IGF2BP2: variants seen among roughly 807,000 people sequenced by gnomAD.
IGF2BP2 encodes the protein insulin-like growth factor 2 mRNA-binding protein 2.
Under a neutral mutation model 75.8 loss-of-function variants are expected in IGF2BP2, and 17 were observed. That is an observed-to-expected ratio of 0.22 (90% confidence interval 0.15 to 0.34). The LOEUF is 0.34. IGF2BP2 is among the 10% of genes least tolerant of loss of function. The pLI, the probability that IGF2BP2 is intolerant of heterozygous loss-of-function variation, is 1.00. For missense variants in IGF2BP2, 516 were observed against 772.4 expected (o/e 0.67, Z 3.93); for synonymous variants, 288 against 295.6 (o/e 0.97, Z 0.26).
chr3:185,655,635 G>A (rs971488396), intron 12 of IGF2BP2, among the ~76,000 whole-genome samples: 5 of 152,212 alleles, frequency 3.3e-5, no homozygotes, highest in Admixed American at 3.3e-4. Context: ...CCATCACAGA[G>A]GCCAGGAGCA....
intron 2 of IGF2BP2, among the ~76,000 whole-genome samples, chr3:185,766,193 T>C (rs1319262255): frequency 6.6e-6 from 1 of 152,190 alleles, no homozygotes; most frequent in East Asian, 1.9e-4. Flanking sequence ...AGGAAGCTAC[T>C]ACCAGGTCCA....
intron 2 of IGF2BP2, among the ~76,000 whole-genome samples, chr3:185,776,507 G>A (rs77725080): frequency 0.1 from 15,910 of 152,198 alleles, 1,539 homozygotes; most frequent in African/African-American, 0.26. Flanking sequence ...GGATCTGGGG[G>A]AAAGGATGCT....
At chr3:185,661,476 A>G (rs746709866) in intron 10 of IGF2BP2, among the ~76,000 whole-genome samples, 4 of 151,962 alleles carry the variant, frequency 2.6e-5, no homozygotes, top group Non-Finnish European at 2.9e-5. Context: ...ATCGCTAGCA[A>G]AAATACAAAA....
At chr3:185,785,396 A>G (rs1375990692) in intron 2 of IGF2BP2, among the ~76,000 whole-genome samples, 1 of 151,480 alleles carries the variant, frequency 6.6e-6, no homozygotes, top group Admixed American at 6.6e-5. Flanking sequence ...CACTCATTTT[A>G]CTGTGTCAAT....
At chr3:185,715,445 G>T (rs1041760605) in intron 2 of IGF2BP2, among the ~76,000 whole-genome samples, 11 of 152,156 alleles carry the variant, frequency 7.2e-5, no homozygotes, top group Non-Finnish European at 1.2e-4. Context: ...GTAAACACCG[G>T]GAGGCAGGTA....
At chr3:185,758,461 G>A (rs192172291) in intron 2 of IGF2BP2, among the ~76,000 whole-genome samples, 39 of 152,306 alleles carry the variant, frequency 2.6e-4, no homozygotes, top group Middle Eastern at 6.8e-3. Context: ...ACAAGGACAG[G>A]ACCACCTACC....
At chr3:185,712,353 G>C (rs1406559431) in intron 2 of IGF2BP2, among the ~76,000 whole-genome samples, 2 of 151,966 alleles carry the variant, frequency 1.3e-5, no homozygotes. Flanking sequence ...ATTTCCTAGG[G>C]AACAATGACG....
chr3:185,702,391 T>C (rs1260504133), intron 2 of IGF2BP2, among the ~76,000 whole-genome samples: 1 of 152,106 alleles, frequency 6.6e-6, no homozygotes, highest in Non-Finnish European at 1.5e-5. Context: ...CAGTCTCAAA[T>C]GAGAGTATCG....
chr3:185,792,450 C>CAA, intron 2 of IGF2BP2, among the ~76,000 whole-genome samples: 1 of 151,498 alleles, frequency 6.6e-6, no homozygotes, highest in African/African-American at 2.4e-5. Flanking sequence ...ACTAAGAATA[C>CAA]AAAAATTATT....
chr3:185,806,823 A>G (rs578177383), intron 2 of IGF2BP2, among the ~76,000 whole-genome samples: 193 of 152,330 alleles, frequency 1.3e-3, no homozygotes, highest in Non-Finnish European at 2.2e-3. Flanking sequence ...TATATAATAA[A>G]GGTAAGTGCA....
chr3:185,750,496 C>G (rs1730824286), intron 2 of IGF2BP2, among the ~76,000 whole-genome samples: 2 of 152,160 alleles, frequency 1.3e-5, no homozygotes, highest in Non-Finnish European at 2.9e-5. Context: ...AAGCTCTCAG[C>G]CAGAATTCAT....
intron 4 of IGF2BP2, among the ~76,000 whole-genome samples, chr3:185,696,251 C>T (rs1296904704): frequency 6.6e-6 from 1 of 152,208 alleles, no homozygotes; most frequent in Non-Finnish European, 1.5e-5. Flanking sequence ...CATTAGGGAT[C>T]TGTTTTTCTT....
chr3:185,782,083 A>G (rs774073445), intron 2 of IGF2BP2, among the ~76,000 whole-genome samples: 1 of 152,170 alleles, frequency 6.6e-6, no homozygotes, highest in African/African-American at 2.4e-5. Context: ...TGGTTCTGAG[A>G]TCTTGCTAAA....
At chr3:185,788,836 C>T (rs1736244853) in intron 2 of IGF2BP2, among the ~76,000 whole-genome samples, 1 of 151,528 alleles carries the variant, frequency 6.6e-6, no homozygotes, top group African/African-American at 2.4e-5. Context: ...CCTCAGCCTC[C>T]CGAGTAGCTG....
intron 12 of IGF2BP2, 136 bp downstream of exon 12, chr3:185,657,150 A>G: frequency 3.3e-6 from 2 of 613,372 alleles, no homozygotes; most frequent in Non-Finnish European, 5.8e-6. Context: ...GGGAATAGTC[A>G]TGGGGCAAAT....
chr3:185,688,964 TATG>T (rs1721529935), intron 6 of IGF2BP2: 1 of 178,334 alleles, frequency 5.6e-6, no homozygotes, highest in Admixed American at 5.4e-5. Flanking sequence ...TGAGACTACC[TATG>T]TTGTCACAAG....
chr3:185,759,999 T>A (rs1021294947), intron 2 of IGF2BP2, among the ~76,000 whole-genome samples: 1 of 152,238 alleles, frequency 6.6e-6, no homozygotes, highest in African/African-American at 2.4e-5. Flanking sequence ...TAGTATTTTA[T>A]TTATAAATAC....
intron 2 of IGF2BP2, among the ~76,000 whole-genome samples, chr3:185,727,412 C>CATGG (rs1727501433): frequency 2.0e-5 from 3 of 152,176 alleles, no homozygotes; most frequent in Admixed American, 2.0e-4. Context: ...ACAGCATGAA[C>CATGG]ATGGCTGGCT....
chr3:185,672,907 T>C (rs1469118584), intron 9 of IGF2BP2, among the ~76,000 whole-genome samples: 1 of 152,160 alleles, frequency 6.6e-6, no homozygotes, highest in Admixed American at 6.5e-5. Context: ...AATGAGGCTC[T>C]TCCTGGGGAT....
Sources: gnomAD v4.1 joint callset for allele counts (sites outside exome capture counted in the v4.1 genomes callset) on GRCh38, gnomAD v4.1.1 for gene constraint, MANE v1.5 for transcripts, NCBI Gene and HGNC (gene_info 2026-07-23, HGNC 2026-07-21) for gene names.